SFI1: variants seen among roughly 807,000 people sequenced by gnomAD.
The protein encoded by SFI1 is protein SFI1 homolog.
A neutral mutation model predicts 207.5 loss-of-function variants in SFI1; 195 were observed. The ratio of observed to expected loss-of-function variants is 0.94; its 90% CI spans 0.84 to 1.06. The LOEUF is 1.06. Ranked by LOEUF, SFI1 falls within the 50% of genes least tolerant of loss-of-function variation. The probability of loss-of-function intolerance (pLI) is 0.00; values close to 1 mark genes in which losing one functional copy is unlikely to be tolerated. For synonymous variants in SFI1, 630 were observed against 598.9 expected, an observed-to-expected ratio of 1.05 and a Z score of -0.76; for missense variants, 1,634 against 1,588.0, an observed-to-expected ratio of 1.03 and a Z score of -0.49.
chr22:31,568,212 A>G (rs130090), intron 8 of SFI1, among the ~76,000 whole-genome samples: 3,189 of 84,354 alleles, frequency 0.038, 144 homozygotes, highest in African/African-American at 0.091. Flanking sequence ...GTGTGTGTGT[A>G]TATATATATA....
intron 15 of SFI1, 39 bp from the exon 16 acceptor site, chr22:31,602,167 TTTTATG>T: frequency 2.0e-6 from 3 of 1,522,854 alleles, no homozygotes; most frequent in Non-Finnish European, 2.7e-6. Context: ...TTGGGTTAAT[TTTTATG>T]TTTGTTTTAA....
intron 2 of SFI1, among the ~76,000 whole-genome samples, chr22:31,527,527 G>C (rs2058047452): frequency 6.6e-6 from 1 of 152,164 alleles, no homozygotes; most frequent in Non-Finnish European, 1.5e-5. Context: ...TTAATCCCAG[G>C]AGTTCAAGAC....
In SFI1 at chr22:31,539,727, T is replaced by G. The variant is rs2059307555; in HGVS notation, c.339-7134T>G. 2.0e-5 allele frequency among the ~76,000 whole-genome samples: 3 copies of G among 150,672 alleles called. No individual in the cohort carries two copies. The South Asian group carries it at 6.3e-4, about 31-fold the overall frequency. ...CCTAAAAAGCTTATTTTAGAAGCCT[T>G]TTTTTTTTGAGACAGGGTCTCACTC... On this transcript the variant is annotated intron_variant, in intron 4 of 32. Transcript: ENST00000400288.
rs1452517924 is a variant in SFI1 at position 31,582,204 on chromosome 22, TTTTATATATATATATATATA to T, written c.1249-1669_1249-1650del. ...CCCCCAACAACACTTCTTTATTACA[TTTTATATATATATATATATA>T]TATATATATATATTTTTTTTTTTTT... On this transcript the variant is annotated intron_variant, in intron 12 of 32. Coordinates refer to ENST00000400288, the MANE Select transcript of SFI1 (RefSeq NM_001007467.3). 5.6e-4 allele frequency among the ~76,000 whole-genome samples: 9 copies of T among 16,000 alleles called. 1 individual carries two copies. The highest frequency in any genetic ancestry group is 1.1e-3 in the Admixed American group (1 of 898). The allele number at this position is 16,000 out of a possible 152,430, so 10.5% of individuals were successfully genotyped here. A position where few individuals can be genotyped will look rare whatever the true frequency, so the allele number is the denominator to read the frequency against.
chr22:31,500,755 C>T (rs572980127), intron 1 of SFI1, among the ~76,000 whole-genome samples: 30 of 151,970 alleles, frequency 2.0e-4, no homozygotes, highest in Admixed American at 4.6e-4. Context: ...TTGTGCCTGC[C>T]CAATAAAGTG....
chr22:31,583,113 T>A (rs1190897918), intron 12 of SFI1, among the ~76,000 whole-genome samples: 2 of 151,588 alleles, frequency 1.3e-5, no homozygotes, highest in African/African-American at 4.9e-5. Context: ...TTGTTGTTGT[T>A]TGTTTGTTTG....
chr22:31,595,904 C>T (rs1283877496), intron 15 of SFI1, among the ~76,000 whole-genome samples: 1 of 152,092 alleles, frequency 6.6e-6, no homozygotes, highest in Non-Finnish European at 1.5e-5. Flanking sequence ...TATCTTAGGA[C>T]AGAGGGGTGA....
intron 12 of SFI1, 111 bp from the exon 13 acceptor site, chr22:31,583,764 C>T (rs1159926216): frequency 3.3e-6 from 3 of 898,878 alleles, no homozygotes; most frequent in Admixed American, 3.5e-5. Flanking sequence ...GTTGGCTGCT[C>T]CTAACTGAGG....
rs992404851 is a variant in SFI1, at chr22:31,611,712, A to G, written c.2416-54A>G. ...GCTGGGTTAGATCAGGACCCACCCCAGGCTGTCTAGGCTGGGTCAGGACGC... is the reference window on the plus strand; with the variant it reads ...GCTGGGTTAGATCAGGACCCACCCCGGGCTGTCTAGGCTGGGTCAGGACGC... On this transcript the variant is annotated intron_variant, in intron 23 of 32. Coordinates refer to ENST00000400288, the MANE Select transcript of SFI1 (RefSeq NM_001007467.3). 27 of 1,568,046 alleles carry G rather than the reference A, an allele frequency of 1.7e-5. 1 individual carries two copies. The highest frequency in any genetic ancestry group is 5.2e-5 in the Admixed American group (3 of 57,662).
chr22:31,577,874 G>A (rs2063697604), intron 10 of SFI1: 1 of 152,700 alleles, frequency 6.5e-6, no homozygotes, highest in Admixed American at 6.5e-5. Context: ...TGGATGAACT[G>A]CAGGGTGTTG....
intron 2 of SFI1, among the ~76,000 whole-genome samples, chr22:31,527,732 TG>T (rs936892876): frequency 2.0e-5 from 3 of 152,188 alleles, no homozygotes; most frequent in Middle Eastern, 3.4e-3. Context: ...GCCACCCCTT[TG>T]GGGGGTTGAG....
chr22:31,615,068 A>G lies in SFI1; in HGVS notation c.3089A>G (p.His1030Arg). 2 of 1,610,336 alleles carry G rather than the reference A, an allele frequency of 1.2e-6. No individual in the cohort carries two copies. Among genetic ancestry groups the G allele is most frequent in the Admixed American group, 1.7e-5 (1 of 59,570 alleles). Residue 1030 changes from histidine (H) to arginine (R), a missense_variant, in exon 29 of 33, where the codon CAT (histidine) becomes CGT (arginine). His to Arg is a conservative substitution (Grantham distance 29, BLOSUM62 0). Coordinates refer to ENST00000400288, the MANE Select transcript of SFI1 (RefSeq NM_001007467.3). ...QSQRPQKPQE[H>R]GLGMAQPAAP... ...CTCAGGCCTCAGAAGCCACAGGAAC[A>G]TGGCCTAGGCATGGCTCAGCCAGCA...
chr22:31,560,320 A>C (rs1397155264), intron 7 of SFI1, among the ~76,000 whole-genome samples: 1 of 152,014 alleles, frequency 6.6e-6, no homozygotes, highest in African/African-American at 2.4e-5. Context: ...AAAAGGATAC[A>C]TACAAGACTA....
At chr22:31,573,031 G>T in intron 8 of SFI1, 27 bp from the exon 9 acceptor site, 1 of 1,609,054 alleles carries the variant, frequency 6.2e-7, no homozygotes, top group Non-Finnish European at 8.5e-7. Context: ...CCTCTCCTTT[G>T]ACTGTTGCCT....
rs1045195942 is a variant in SFI1 at position 31,531,620 on chromosome 22, A to G, written c.338+491A>G. Among the ~76,000 whole-genome samples, 20 of 151,240 alleles carry G rather than the reference A, an allele frequency of 1.3e-4. No homozygotes were observed. In the South Asian group the frequency reaches 1.9e-3, roughly 14 times the overall value. Reference sequence around the variant, plus strand: ...ACAAAAATTAGCCGAGCAGCCAGGCATGGTGGCTCATGCCTGTAATCCCAG... The same window carrying G: ...ACAAAAATTAGCCGAGCAGCCAGGCGTGGTGGCTCATGCCTGTAATCCCAG... On this transcript the variant is annotated intron_variant, in intron 4 of 32. Coordinates refer to ENST00000400288, the MANE Select transcript of SFI1 (RefSeq NM_001007467.3).
At chr22:31,574,736 T>C (rs1412692916) in intron 9 of SFI1, among the ~76,000 whole-genome samples, 1 of 152,118 alleles carries the variant, frequency 6.6e-6, no homozygotes, top group East Asian at 1.9e-4. Context: ...AGCTCAGGGA[T>C]TCCTAATGAC....
chr22:31,559,034 T>G (rs2061428307), intron 7 of SFI1, among the ~76,000 whole-genome samples: 1 of 151,698 alleles, frequency 6.6e-6, no homozygotes, highest in Non-Finnish European at 1.5e-5. Context: ...CTTGAACTCC[T>G]GACCTCAGAT....
intron 4 of SFI1, 72 bp downstream of exon 4, chr22:31,531,201 A>G (rs1171896600): frequency 3.2e-6 from 4 of 1,244,748 alleles, no homozygotes; most frequent in African/African-American, 1.5e-5. Flanking sequence ...AAGCCTGTAT[A>G]TAAACTTCAT....
chr22:31,597,516 AGTCT>A (rs1328580348), intron 15 of SFI1, among the ~76,000 whole-genome samples: 1 of 152,172 alleles, frequency 6.6e-6, no homozygotes, highest in Non-Finnish European at 1.5e-5. Context: ...TGGACAAGTC[AGTCT>A]GTCTCTCTGA....
Sources: allele counts gnomAD v4.1 joint callset (sites outside exome capture counted in the v4.1 genomes callset), GRCh38; gene constraint gnomAD v4.1.1; transcripts MANE v1.5; gene names NCBI Gene and HGNC (gene_info 2026-07-23, HGNC 2026-07-21).